TBC1D22A: variants seen among roughly 807,000 people sequenced by gnomAD.
The protein encoded by TBC1D22A is putative GTPase activator.
In TBC1D22A, 38 loss-of-function variants were observed where a neutral mutation model predicts 60.2. The ratio of observed to expected loss-of-function variants is 0.63; its 90% CI spans 0.49 to 0.83. TBC1D22A has a LOEUF of 0.83. TBC1D22A is among the 40% of genes least tolerant of loss of function. TBC1D22A has a pLI of 0.00. For synonymous variants in TBC1D22A, 302 were observed against 281.7 expected (o/e 1.07, Z -0.72); for missense variants, 628 against 701.0 (o/e 0.90, Z 1.18).
chr22:46,993,535 C>G (rs1252380911), intron 9 of TBC1D22A, among the ~76,000 whole-genome samples: 1 of 152,102 alleles, frequency 6.6e-6, no homozygotes, highest in Non-Finnish European at 1.5e-5. Context: ...GTTTTGCTGC[C>G]CAGGTACGTG....
At chr22:46,956,896 A>G (rs1349597592) in intron 8 of TBC1D22A, among the ~76,000 whole-genome samples, 1 of 152,208 alleles carries the variant, frequency 6.6e-6, no homozygotes, top group East Asian at 1.9e-4. Flanking sequence ...GTTGCTGGTT[A>G]GGCTGGGGCC....
At chr22:46,908,908 C>G (rs1037613011) in intron 7 of TBC1D22A, among the ~76,000 whole-genome samples, 2 of 152,174 alleles carry the variant, frequency 1.3e-5, no homozygotes, top group Admixed American at 1.3e-4. Context: ...AGAACTCGGT[C>G]TATCTCAGGT....
intron 4 of TBC1D22A, among the ~76,000 whole-genome samples, chr22:46,835,004 G>T (rs2086457614): frequency 6.6e-6 from 1 of 152,226 alleles, no homozygotes; most frequent in Non-Finnish European, 1.5e-5. Flanking sequence ...GCCTGGCTTT[G>T]TGGGATTGAG....
chr22:46,993,943 C>G lies in TBC1D22A; in HGVS notation c.1126-3691C>G, dbSNP rs11913134. Among the ~76,000 whole-genome samples, 1,166 of 152,326 alleles carry G rather than the reference C, an allele frequency of 7.7e-3. 17 individuals carry two copies. Among genetic ancestry groups the G allele is most frequent in the African/African-American group, 0.027 (1,111 of 41,580 alleles). On this transcript the variant is annotated intron_variant, in intron 9 of 12. Transcript: ENST00000337137. ...TGTCTTAGCCTTGGCGCCTCGCCCTCGGGGGGTGGGGCCGGGCGTCCCTGC... is the reference window on the plus strand; with the variant it reads ...TGTCTTAGCCTTGGCGCCTCGCCCTGGGGGGGTGGGGCCGGGCGTCCCTGC...
chr22:46,869,267 T>G (rs2067199050), intron 4 of TBC1D22A, among the ~76,000 whole-genome samples: 1 of 152,256 alleles, frequency 6.6e-6, no homozygotes, highest in African/African-American at 2.4e-5. Context: ...TGATGTCCCC[T>G]TCTTCAGAGA....
chr22:47,099,475 C>T (rs1328732604), intron 11 of TBC1D22A, among the ~76,000 whole-genome samples: 3 of 148,168 alleles, frequency 2.0e-5, no homozygotes, highest in Admixed American at 6.7e-5. Context: ...AACGGAGTTT[C>T]GCTCTTGTTG....
chr22:46,961,768 A>G (rs950153090), intron 8 of TBC1D22A, among the ~76,000 whole-genome samples: 4 of 152,218 alleles, frequency 2.6e-5, no homozygotes, highest in Non-Finnish European at 5.9e-5. Context: ...AGGGACCCCA[A>G]GAGCAGCACA....
At chr22:47,087,881 C>T (rs983818781) in intron 11 of TBC1D22A, among the ~76,000 whole-genome samples, 2 of 152,000 alleles carry the variant, frequency 1.3e-5, no homozygotes, top group Non-Finnish European at 2.9e-5. Context: ...CAAGACCATC[C>T]TGGTTAACAC....
intron 9 of TBC1D22A, among the ~76,000 whole-genome samples, chr22:46,984,271 G>T: frequency 6.7e-6 from 1 of 148,888 alleles, no homozygotes; most frequent in Non-Finnish European, 1.5e-5. Flanking sequence ...GGAGGCTGAG[G>T]CAGGAGAATT....
At chr22:47,007,297 A>G (rs2061624860) in intron 10 of TBC1D22A, among the ~76,000 whole-genome samples, 1 of 152,214 alleles carries the variant, frequency 6.6e-6, no homozygotes, top group African/African-American at 2.4e-5. Context: ...GGGCAGGCAC[A>G]GAACATGTGT....
At chr22:46,985,933 T>C (rs1354580602) in intron 9 of TBC1D22A, among the ~76,000 whole-genome samples, 2 of 152,284 alleles carry the variant, frequency 1.3e-5, no homozygotes, top group African/African-American at 4.8e-5. Context: ...GTTTCAACTT[T>C]GATAAAATCG....
intron 4 of TBC1D22A, among the ~76,000 whole-genome samples, chr22:46,851,294 C>T (rs761942581): frequency 5.9e-5 from 9 of 152,312 alleles, no homozygotes; most frequent in East Asian, 3.9e-4. Flanking sequence ...TGAACAGGTT[C>T]GACTTTCACC....
intron 12 of TBC1D22A, among the ~76,000 whole-genome samples, chr22:47,165,701 A>AG (rs2068179033): frequency 6.6e-6 from 1 of 152,092 alleles, no homozygotes; most frequent in Admixed American, 6.5e-5. Context: ...TAAAAGACGG[A>AG]GGGGTCAAGA....
At chr22:47,172,081 A>AG (rs2068503112) in intron 12 of TBC1D22A, among the ~76,000 whole-genome samples, 1 of 104,478 alleles carries the variant, frequency 9.6e-6, no homozygotes, top group Non-Finnish European at 1.9e-5. Flanking sequence ...CAGTGAGCCT[A>AG]CCCAGCACTC....
chr22:47,170,644 GACA>G (rs2068398694), intron 12 of TBC1D22A, among the ~76,000 whole-genome samples: 2 of 150,666 alleles, frequency 1.3e-5, no homozygotes, highest in African/African-American at 2.5e-5. Flanking sequence ...CCGGAGAGAG[GACA>G]GTCCTGGTGT....
chr22:47,001,298 TC>T (rs372878974), intron 10 of TBC1D22A, among the ~76,000 whole-genome samples: 7 of 84,844 alleles, frequency 8.3e-5, no homozygotes, highest in Admixed American at 1.7e-4. Context: ...TTTCTTTCTT[TC>T]TTTTTTTTTT....
At chr22:46,855,717 G>A (rs1337586768) in intron 4 of TBC1D22A, among the ~76,000 whole-genome samples, 1 of 152,166 alleles carries the variant, frequency 6.6e-6, no homozygotes, top group South Asian at 2.1e-4. Context: ...TGACCGTGCC[G>A]TGTGGGTTGT....
intron 8 of TBC1D22A, chr22:46,915,860 C>G (rs1168558254): frequency 2.2e-6 from 1 of 453,470 alleles, no homozygotes; most frequent in Non-Finnish European, 4.5e-6. Flanking sequence ...GTAGGAGCAG[C>G]TCTTCGGGAG....
intron 10 of TBC1D22A, among the ~76,000 whole-genome samples, chr22:46,997,953 G>T (rs2075177101): frequency 6.6e-6 from 1 of 152,118 alleles, no homozygotes; most frequent in Non-Finnish European, 1.5e-5. Context: ...CCCAAAGCAG[G>T]CAGTGCTCAC....
Sources: gnomAD v4.1 joint callset for allele counts (sites outside exome capture counted in the v4.1 genomes callset) on GRCh38, gnomAD v4.1.1 for gene constraint, MANE v1.5 for transcripts, NCBI Gene and HGNC (gene_info 2026-07-23, HGNC 2026-07-21) for gene names.